The following MIPOL1 variants were observed in gnomAD, a reference collection of about 807,000 sequenced individuals.
The protein encoded by MIPOL1 is mirror-image polydactyly 1.
Under a neutral mutation model 60.9 loss-of-function variants are expected in MIPOL1, and 57 were observed. The observed-to-expected ratio is 0.94, with a 90% confidence interval of 0.76 to 1.17. The LOEUF (loss-of-function observed/expected upper bound fraction) is 1.17, where lower values mean the gene tolerates loss of function less well. MIPOL1 is among the 50% of genes most tolerant of loss of function. MIPOL1 has a pLI of 0.00. For synonymous variants in MIPOL1, 179 were observed against 168.8 expected, an observed-to-expected ratio of 1.06 and a Z score of -0.47; for missense variants, 551 against 511.6, an observed-to-expected ratio of 1.08 and a Z score of -0.74.
chr14:37,522,417 G>A (rs2095420191), intron 12 of MIPOL1, among the ~76,000 whole-genome samples: 1 of 152,250 alleles, frequency 6.6e-6, no homozygotes, highest in African/African-American at 2.4e-5. Flanking sequence ...ATTTGTTTGT[G>A]TTAGTGGACT....
At chr14:37,524,227 A>C (rs757935457) in intron 12 of MIPOL1, among the ~76,000 whole-genome samples, 11 of 151,840 alleles carry the variant, frequency 7.2e-5, no homozygotes, top group Non-Finnish European at 1.2e-4. Flanking sequence ...GGAATGAGAC[A>C]AGAGTAGAAA....
intron 9 of MIPOL1, among the ~76,000 whole-genome samples, chr14:37,353,105 T>C (rs1164940612): frequency 7.3e-6 from 1 of 136,378 alleles, no homozygotes; most frequent in African/African-American, 2.8e-5. Flanking sequence ...ATTGAGAGTT[T>C]TTAGCATGAA....
intron 12 of MIPOL1, chr14:37,505,507 A>G (rs1000202071): frequency 2.6e-5 from 4 of 152,242 alleles, no homozygotes; most frequent in Non-Finnish European, 4.4e-5. Flanking sequence ...CAAAAACCAC[A>G]TGATTATCTC....
intron 3 of MIPOL1, among the ~76,000 whole-genome samples, chr14:37,251,167 C>T (rs1567153364): frequency 6.6e-6 from 1 of 151,958 alleles, no homozygotes; most frequent in Non-Finnish European, 1.5e-5. Context: ...CTCAAGCAGT[C>T]CTCCTTCCTC....
At chr14:37,392,197 A>G (rs61988195) in intron 10 of MIPOL1, among the ~76,000 whole-genome samples, 33,183 of 152,030 alleles carry the variant, frequency 0.22, 4,092 homozygotes, top group South Asian at 0.33. Flanking sequence ...CTTCTGATCA[A>G]GGAACAGTGT....
chr14:37,533,211 T>C (rs546106702), intron 12 of MIPOL1, among the ~76,000 whole-genome samples: 2 of 152,286 alleles, frequency 1.3e-5, no homozygotes, highest in African/African-American at 2.4e-5. Context: ...CTTTATACAA[T>C]GTCTAAGCCC....
At chr14:37,215,634 C>T (rs1208069203) in intron 1 of MIPOL1, among the ~76,000 whole-genome samples, 2 of 152,136 alleles carry the variant, frequency 1.3e-5, no homozygotes, top group African/African-American at 2.4e-5. Flanking sequence ...AGTTTTTACT[C>T]ATCAATAACA....
intron 10 of MIPOL1, among the ~76,000 whole-genome samples, chr14:37,389,766 AC>A (rs781291818): frequency 4.0e-5 from 6 of 151,406 alleles, no homozygotes; most frequent in Non-Finnish European, 8.8e-5. Flanking sequence ...AAGAAAAACA[AC>A]AGATTTTTGG....
intron 9 of MIPOL1, among the ~76,000 whole-genome samples, chr14:37,367,583 G>A (rs1321616941): frequency 4.6e-5 from 7 of 151,628 alleles, no homozygotes; most frequent in Admixed American, 4.6e-4. Flanking sequence ...CTTTTCTCCT[G>A]TATTCTTCTT....
chr14:37,393,341 T>C (rs2093293878), intron 10 of MIPOL1, among the ~76,000 whole-genome samples: 1 of 151,650 alleles, frequency 6.6e-6, no homozygotes, highest in South Asian at 2.1e-4. Flanking sequence ...GTAACATTTT[T>C]TTGAGTTCTA....
chr14:37,431,691 G>T (rs2094072169), intron 11 of MIPOL1, among the ~76,000 whole-genome samples: 1 of 136,736 alleles, frequency 7.3e-6, no homozygotes, highest in African/African-American at 2.7e-5. Flanking sequence ...CCATTCTCCT[G>T]CCTCAGCCTC....
intron 12 of MIPOL1, among the ~76,000 whole-genome samples, chr14:37,537,486 A>G (rs962326780): frequency 6.6e-6 from 1 of 152,178 alleles, no homozygotes; most frequent in Non-Finnish European, 1.5e-5. Context: ...TAAATAAATT[A>G]TGCCCACAGC....
At chr14:37,529,774 A>G (rs895662786) in intron 12 of MIPOL1, among the ~76,000 whole-genome samples, 7 of 152,286 alleles carry the variant, frequency 4.6e-5, no homozygotes, top group Admixed American at 3.9e-4. Context: ...ACAAGAGTAA[A>G]TATAATCTAT....
chr14:37,460,811 G>T (rs7161366), intron 11 of MIPOL1, among the ~76,000 whole-genome samples: 1 of 152,012 alleles, frequency 6.6e-6, no homozygotes. Context: ...GAAGGTGAAA[G>T]ACCTCTACAA....
chr14:37,524,725 C>T (rs1402224435), intron 12 of MIPOL1, among the ~76,000 whole-genome samples: 6 of 151,670 alleles, frequency 4.0e-5, no homozygotes, highest in African/African-American at 1.5e-4. Context: ...AACCACCACA[C>T]CTGGCTAATT....
chr14:37,391,634 T>A (rs1345246191), intron 10 of MIPOL1, among the ~76,000 whole-genome samples: 1 of 152,108 alleles, frequency 6.6e-6, no homozygotes, highest in African/African-American at 2.4e-5. Context: ...GACCTCATGA[T>A]CCACCTGCCT....
At chr14:37,310,546 A>G (rs2087233433) in intron 9 of MIPOL1, among the ~76,000 whole-genome samples, 1 of 152,088 alleles carries the variant, frequency 6.6e-6, no homozygotes, top group African/African-American at 2.4e-5. Flanking sequence ...CAATCTCTCT[A>G]TTTCCATACT....
At chr14:37,302,262 G>GTTTTTTTTTTTTTTTTTTTTTTTT (rs57468146) in intron 7 of MIPOL1, among the ~76,000 whole-genome samples, 1 of 95,032 alleles carries the variant, frequency 1.1e-5, no homozygotes, top group Non-Finnish European at 2.1e-5. Context: ...TGGAACTGTT[G>GTTTTTTTTTTTTTTTTTTTTTTTT]TTTTTTTTTT....
intron 1 of MIPOL1, among the ~76,000 whole-genome samples, chr14:37,238,537 A>G (rs1293066202): frequency 2.0e-5 from 3 of 152,124 alleles, no homozygotes; most frequent in Admixed American, 6.6e-5. Context: ...TTGAGAGAAG[A>G]TTTTCTTAAC....
Sources: gnomAD v4.1 joint callset for allele counts (sites outside exome capture counted in the v4.1 genomes callset) on GRCh38, gnomAD v4.1.1 for gene constraint, MANE v1.5 for transcripts, NCBI Gene and HGNC (gene_info 2026-07-23, HGNC 2026-07-21) for gene names.